The following THSD4 variants were observed in gnomAD, a reference collection of about 807,000 sequenced individuals.
THSD4 encodes the protein thrombospondin type 1 domain containing 4, also known as thrombospondin type-1 domain-containing protein 4.
THSD4 carries 69 observed loss-of-function variants against 119.0 expected under a neutral mutation model. The ratio of observed to expected loss-of-function variants is 0.58; its 90% CI spans 0.48 to 0.71. The LOEUF (loss-of-function observed/expected upper bound fraction) is 0.71. THSD4 is among the 30% of genes least tolerant of loss of function. THSD4 has a pLI of 0.00. For synonymous variants in THSD4, 524 were observed against 540.4 expected (o/e 0.97, Z 0.42); for missense variants, 1,393 against 1,391.1 (o/e 1.00, Z -0.02).
At chr15:71,343,715 ATTT>A (rs35533590) in intron 6 of THSD4, among the ~76,000 whole-genome samples, 2 of 134,798 alleles carry the variant, frequency 1.5e-5, no homozygotes, top group African/African-American at 2.8e-5. Context: ...TCATCTCAGG[ATTT>A]TTTTTTTTTT....
At position 71,701,311 on chromosome 15, in the gene THSD4, T is replaced by TGG. The variant is rs1360121347; in HGVS notation, c.1358-27235_1358-27234dup. ...ATCAGGACAATTCAGATTGTTACAG[T>TGG]GGGGTACAATTTTACCTGGCAGATT... On this transcript the variant is annotated intron_variant, in intron 8 of 17. Transcript: ENST00000261862. Among the ~76,000 whole-genome samples the TGG allele has an allele frequency of 6.6e-5, 10 of 152,260 alleles. No individual in the cohort carries two copies. In the East Asian group the frequency reaches 1.9e-3, roughly 29 times the overall value.
chr15:71,412,377 G>A (rs1385941890), intron 7 of THSD4, among the ~76,000 whole-genome samples: 1 of 152,124 alleles, frequency 6.6e-6, no homozygotes, highest in Non-Finnish European at 1.5e-5. Flanking sequence ...AAACATTCTG[G>A]GCTTCAGAGA....
At chr15:71,648,083 G>A (rs532439764) in intron 7 of THSD4, among the ~76,000 whole-genome samples, 4 of 152,232 alleles carry the variant, frequency 2.6e-5, no homozygotes, top group African/African-American at 9.6e-5. Flanking sequence ...TAGACTTCGG[G>A]GCCAGAAGGC....
chr15:71,372,984 C>T (rs2140438493), intron 6 of THSD4, among the ~76,000 whole-genome samples: 1 of 152,372 alleles, frequency 6.6e-6, no homozygotes, highest in Admixed American at 6.5e-5. Flanking sequence ...TGGCGGGCGC[C>T]CCTCCCGCAG....
intron 7 of THSD4, among the ~76,000 whole-genome samples, chr15:71,468,984 G>A (rs1566995283): frequency 6.6e-6 from 1 of 152,222 alleles, no homozygotes; most frequent in African/African-American, 2.4e-5. Flanking sequence ...GTATTTGCGT[G>A]TCTGAAACCT....
At chr15:71,674,742 C>T (rs1183533965) in intron 8 of THSD4, among the ~76,000 whole-genome samples, 4 of 152,076 alleles carry the variant, frequency 2.6e-5, no homozygotes, top group Non-Finnish European at 5.9e-5. Flanking sequence ...GGAGGCATTT[C>T]GATTGTTACA....
At chr15:71,642,912 G>C (rs2050891413) in intron 7 of THSD4, among the ~76,000 whole-genome samples, 1 of 151,938 alleles carries the variant, frequency 6.6e-6, no homozygotes, top group Admixed American at 6.6e-5. Flanking sequence ...TAACTAACCT[G>C]CACATTGTGC....
intron 6 of THSD4, among the ~76,000 whole-genome samples, chr15:71,365,404 G>A (rs2045948757): frequency 6.6e-6 from 1 of 152,036 alleles, no homozygotes. Context: ...CAGAGTAGGA[G>A]CCTAACCCCA....
chr15:71,763,683 G>A (rs74569763), intron 15 of THSD4, among the ~76,000 whole-genome samples: 3 of 152,108 alleles, frequency 2.0e-5, no homozygotes, highest in African/African-American at 7.2e-5. Context: ...GACCCCAGGC[G>A]ATTTGCTCAC....
chr15:71,571,755 G>A (rs1337549617), intron 7 of THSD4, among the ~76,000 whole-genome samples: 2 of 152,082 alleles, frequency 1.3e-5, no homozygotes, highest in African/African-American at 4.8e-5. Context: ...CTACAGACAA[G>A]CTTTATTCCC....
At position 71,182,844 on chromosome 15, in the gene THSD4, C is replaced by T. The variant is rs1358037047; in HGVS notation, c.99+27912C>T. Among the ~76,000 whole-genome samples, 4 of 151,924 alleles carry T rather than the reference C, an allele frequency of 2.6e-5. No individual in the cohort carries two copies. The East Asian group carries it at 7.7e-4, about 29-fold the overall frequency. On this transcript the variant is annotated intron_variant, in intron 3 of 17. Transcript: ENST00000261862. ...GTCTTCCTTCCCTACCAAGGATGCACACTCCTTGGTTAGTTTGGAGAAACA... is the reference window on the plus strand; with the variant it reads ...GTCTTCCTTCCCTACCAAGGATGCATACTCCTTGGTTAGTTTGGAGAAACA...
intron 8 of THSD4, among the ~76,000 whole-genome samples, chr15:71,687,851 C>A (rs1246805784): frequency 6.6e-6 from 1 of 151,470 alleles, no homozygotes; most frequent in African/African-American, 2.4e-5. Flanking sequence ...TTGGAAATTA[C>A]TAATGCAAAG....
At chr15:71,204,029 C>A (rs1243751814) in intron 3 of THSD4, among the ~76,000 whole-genome samples, 1 of 152,154 alleles carries the variant, frequency 6.6e-6, no homozygotes, top group Non-Finnish European at 1.5e-5. Context: ...ATTATTTTGA[C>A]TGTCCTGGTT....
At chr15:71,650,968 A>G (rs1050852248) in intron 7 of THSD4, among the ~76,000 whole-genome samples, 1 of 152,268 alleles carries the variant, frequency 6.6e-6, no homozygotes, top group Non-Finnish European at 1.5e-5. Flanking sequence ...AAAAGCTAAA[A>G]TAAAAATGCA....
intron 7 of THSD4, among the ~76,000 whole-genome samples, chr15:71,447,514 C>T (rs1479327894): frequency 6.6e-6 from 1 of 152,164 alleles, no homozygotes. Context: ...ACCTCTCTTC[C>T]TTTTGATGCC....
intron 7 of THSD4, among the ~76,000 whole-genome samples, chr15:71,556,649 A>G (rs1211457539): frequency 6.6e-6 from 1 of 152,098 alleles, no homozygotes; most frequent in Admixed American, 6.5e-5. Flanking sequence ...CTATATTCCC[A>G]GCTACTGAAG....
intron 3 of THSD4, among the ~76,000 whole-genome samples, chr15:71,213,406 C>T (rs770293619): frequency 6.6e-6 from 1 of 152,174 alleles, no homozygotes; most frequent in African/African-American, 2.4e-5. Context: ...ATGACTGTGA[C>T]TCCCGTTTCC....
chr15:71,606,304 GC>G (rs1038897970), intron 7 of THSD4, among the ~76,000 whole-genome samples: 1 of 152,206 alleles, frequency 6.6e-6, no homozygotes, highest in Non-Finnish European at 1.5e-5. Flanking sequence ...CAGTGGCAGG[GC>G]AGAGAGACCA....
chr15:71,782,254 G>GC lies in THSD4; in HGVS notation c.*4880_*4881insC, dbSNP rs201495470. ...TCATTTCAGCAGATAATGATGGAGG[G>GC]GGGGGGTGTCCATCGTGCTGAGGGT... On this transcript the variant is annotated 3_prime_UTR_variant, in exon 18 of 18. Coordinates refer to ENST00000261862, the MANE Select transcript of THSD4 (RefSeq NM_024817.3). 3 of 151,918 alleles carry GC rather than the reference G, an allele frequency of 2.0e-5. No homozygotes were observed. The South Asian group carries it at 6.2e-4, about 32-fold the overall frequency. The allele number at this position is 151,918 out of a possible 1,614,324, so 9.4% of individuals were successfully genotyped here.
Sources: gnomAD v4.1 joint callset for allele counts (sites outside exome capture counted in the v4.1 genomes callset) on GRCh38, gnomAD v4.1.1 for gene constraint, MANE v1.5 for transcripts, NCBI Gene and HGNC (gene_info 2026-07-23, HGNC 2026-07-21) for gene names.